Variants in KLHL1 observed in about 807,000 individuals in gnomAD.
KLHL1 encodes the protein kelch-like protein 1.
In KLHL1, 47 loss-of-function variants were observed where a neutral mutation model predicts 77.7. That is an observed-to-expected ratio of 0.60 (90% CI 0.48 to 0.77). The LOEUF is 0.77. Ranked by LOEUF, KLHL1 falls within the 30% of genes least tolerant of loss-of-function variation. The pLI is 0.00. For missense variants in KLHL1, 925 were observed against 910.8 expected (o/e 1.02, Z -0.20); for synonymous variants, 360 against 325.2 (o/e 1.11, Z -1.15).
chr13:69,775,935 A>T (rs1593817622), intron 7 of KLHL1, among the ~76,000 whole-genome samples: 1 of 151,944 alleles, frequency 6.6e-6, no homozygotes, highest in African/African-American at 2.4e-5. Flanking sequence ...GGAGGATCAC[A>T]AGGTCAGGAG....
intron 7 of KLHL1, among the ~76,000 whole-genome samples, chr13:69,746,376 T>C (rs188654537): frequency 6.6e-6 from 1 of 152,048 alleles, no homozygotes; most frequent in East Asian, 1.9e-4. Flanking sequence ...GATTGTTAAA[T>C]ATTTCCTTTT....
At position 69,796,780 on chromosome 13, in the gene KLHL1, A is replaced by T; in HGVS notation, c.1597T>A (p.Trp533Arg). The T allele has an allele frequency of 6.2e-7, 1 of 1,613,778 alleles. No homozygotes were observed. The change falls in exon 7 of 11, where the codon TGG becomes AGG. Residue 533 changes from tryptophan to arginine, a missense_variant. Coordinates refer to ENST00000377844, the MANE Select transcript of KLHL1 (RefSeq NM_020866.3). ...VECYNPKTKTWTVLPPMSTHR... is the reference protein window; with the variant it reads ...VECYNPKTKTRTVLPPMSTHR... ...GTTGACATTGGTGGTAAGACAGTCC[A>T]TGTCTTGGTTTTGGGATTGTAACAT...
At chr13:69,756,932 A>G (rs912420175) in intron 7 of KLHL1, among the ~76,000 whole-genome samples, 5 of 152,164 alleles carry the variant, frequency 3.3e-5, no homozygotes, top group African/African-American at 1.2e-4. Context: ...AATATCATCA[A>G]CTTTTTTTGT....
At chr13:70,047,249 A>G (rs925808748) in intron 1 of KLHL1, among the ~76,000 whole-genome samples, 1 of 145,704 alleles carries the variant, frequency 6.9e-6, no homozygotes, top group African/African-American at 2.6e-5. Flanking sequence ...AGCTTGATTT[A>G]AAAAAAAAAA....
intron 8 of KLHL1, among the ~76,000 whole-genome samples, chr13:69,721,273 G>A (rs1380360602): frequency 2.0e-5 from 3 of 147,248 alleles, no homozygotes; most frequent in South Asian, 4.5e-4. Context: ...TCCCCATTTC[G>A]ATTTGTTCCA....
intron 1 of KLHL1, among the ~76,000 whole-genome samples, chr13:70,020,419 T>C (rs1885759709): frequency 6.6e-6 from 1 of 152,192 alleles, no homozygotes; most frequent in Admixed American, 6.5e-5. Context: ...TTACATTATT[T>C]CTTCATGCCT....
chr13:70,070,292 G>C (rs944515613), intron 1 of KLHL1, among the ~76,000 whole-genome samples: 9 of 151,888 alleles, frequency 5.9e-5, no homozygotes, highest in Non-Finnish European at 1.3e-4. Flanking sequence ...CTTCACCTAG[G>C]CATATCATTC....
rs185189262 is a variant in KLHL1 at position 70,037,888 on chromosome 13, T to C, written c.498-62086A>G. Among the ~76,000 whole-genome samples, 257 of 152,306 alleles carry C rather than the reference T, an allele frequency of 1.7e-3. 1 individual carries two copies. Among genetic ancestry groups the C allele is most frequent in the African/African-American group, 5.7e-3 (237 of 41,574 alleles). ...GACAGACTCATATTTCTTCATTATA[T>C]GTATAATTCCCTTTTACCACTTTAG... On this transcript the variant is annotated intron_variant, in intron 1 of 10. Transcript: ENST00000377844.
chr13:69,785,086 G>T (rs112358430), intron 7 of KLHL1, among the ~76,000 whole-genome samples: 9,901 of 150,962 alleles, frequency 0.066, 450 homozygotes, highest in Non-Finnish European at 0.099. Context: ...TAGAGACGGG[G>T]TTTCACCATT....
At chr13:70,006,502 G>GC (rs1885408693) in intron 1 of KLHL1, among the ~76,000 whole-genome samples, 1 of 139,048 alleles carries the variant, frequency 7.2e-6, no homozygotes, top group Non-Finnish European at 1.5e-5. Context: ...TCCCCCTCAA[G>GC]TTTTTTTTTT....
intron 1 of KLHL1, among the ~76,000 whole-genome samples, chr13:70,085,143 G>A (rs2137434797): frequency 6.6e-6 from 1 of 152,252 alleles, no homozygotes; most frequent in Non-Finnish European, 1.5e-5. Context: ...ATGTATGAAT[G>A]TGGGAATGTA....
At chr13:69,824,645 A>G (rs1057151797) in intron 6 of KLHL1, among the ~76,000 whole-genome samples, 2 of 150,388 alleles carry the variant, frequency 1.3e-5, no homozygotes, top group African/African-American at 2.4e-5. Flanking sequence ...ATCTTAGATA[A>G]AAGACTACAA....
At chr13:70,009,957 C>T (rs556814411) in intron 1 of KLHL1, among the ~76,000 whole-genome samples, 1 of 148,248 alleles carries the variant, frequency 6.7e-6, no homozygotes, top group East Asian at 1.9e-4. Flanking sequence ...AATAAAGTCA[C>T]ATTTTAAGAG....
chr13:69,895,012 T>C (rs1881579740), intron 4 of KLHL1: 7 of 507,648 alleles, frequency 1.4e-5, no homozygotes, highest in African/African-American at 5.9e-5. Context: ...GGTGGTATGA[T>C]TGTCATCAAT....
chr13:69,934,102 T>C (rs1378319495), intron 4 of KLHL1, among the ~76,000 whole-genome samples: 1 of 152,116 alleles, frequency 6.6e-6, no homozygotes, highest in Non-Finnish European at 1.5e-5. Context: ...GATATAACAC[T>C]TGCCTTGCAG....
intron 7 of KLHL1, among the ~76,000 whole-genome samples, chr13:69,789,997 G>A (rs758818808): frequency 6.6e-6 from 1 of 152,000 alleles, no homozygotes; most frequent in African/African-American, 2.4e-5. Flanking sequence ...GTCCTCACCA[G>A]GCGTTCACCG....
chr13:69,839,480 T>G (rs1879158606), intron 5 of KLHL1, among the ~76,000 whole-genome samples: 1 of 151,992 alleles, frequency 6.6e-6, no homozygotes, highest in African/African-American at 2.4e-5. Context: ...TAGTTACTTG[T>G]GTTGGCCATA....
At chr13:70,015,969 T>C (rs1885647078) in intron 1 of KLHL1, among the ~76,000 whole-genome samples, 1 of 152,202 alleles carries the variant, frequency 6.6e-6, no homozygotes, top group Non-Finnish European at 1.5e-5. Context: ...GACCCTTAAG[T>C]TTTAAATTAT....
chr13:69,944,825 T>G (rs1015133233), intron 3 of KLHL1, among the ~76,000 whole-genome samples: 1 of 152,240 alleles, frequency 6.6e-6, no homozygotes, highest in South Asian at 2.1e-4. Context: ...ACAAAGTTCA[T>G]GCAAAGGCAC....
Sources: allele counts gnomAD v4.1 joint callset (sites outside exome capture counted in the v4.1 genomes callset), GRCh38; gene constraint gnomAD v4.1.1; transcripts MANE v1.5; gene names NCBI Gene and HGNC (gene_info 2026-07-23, HGNC 2026-07-21).